The following PCDHA6 variants were observed in gnomAD, a reference collection of about 807,000 sequenced individuals.
The protein encoded by PCDHA6 is protocadherin alpha 6, also known as protocadherin alpha-6.
Under a neutral mutation model 60.3 loss-of-function variants are expected in PCDHA6, and 55 were observed. That is an observed-to-expected ratio of 0.91 (90% CI 0.73 to 1.14). The LOEUF is 1.14. PCDHA6 is among the 50% of genes most tolerant of loss of function. The pLI is 0.00. For missense variants in PCDHA6, 1,327 were observed against 1,256.5 expected (o/e 1.06, Z -0.85); for synonymous variants, 652 against 557.9 (o/e 1.17, Z -2.38).
intron 1 of PCDHA6, chr5:140,869,467 G>A: frequency 6.2e-7 from 1 of 1,614,204 alleles, no homozygotes; most frequent in South Asian, 1.1e-5. Context: ...TGTGAACGTG[G>A]AGGTGAAGGA....
intron 1 of PCDHA6, chr5:140,884,703 A>C: frequency 1.3e-6 from 2 of 1,495,534 alleles, no homozygotes; most frequent in Non-Finnish European, 1.8e-6. Flanking sequence ...TAAACACTTT[A>C]GCCTTCCTTG....
At chr5:140,984,433 T>C (rs2097103477) in intron 3 of PCDHA6, among the ~76,000 whole-genome samples, 1 of 152,182 alleles carries the variant, frequency 6.6e-6, no homozygotes, top group East Asian at 1.9e-4. Flanking sequence ...GAAGGGGATC[T>C]CCCTTGTTCC....
chr5:140,875,248 G>A, intron 1 of PCDHA6: 5 of 999,174 alleles, frequency 5.0e-6, no homozygotes, highest in Non-Finnish European at 6.9e-6. Flanking sequence ...TACATAATCA[G>A]TCACATGATG....
intron 1 of PCDHA6, among the ~76,000 whole-genome samples, chr5:140,945,892 G>T (rs1351699782): frequency 1.3e-5 from 2 of 152,018 alleles, no homozygotes; most frequent in African/African-American, 4.8e-5. Context: ...AGAAAACACA[G>T]TGGGAAAGAT....
chr5:140,848,874 A>G (rs2040648635), intron 1 of PCDHA6: 2 of 1,590,884 alleles, frequency 1.3e-6, no homozygotes, highest in East Asian at 2.2e-5. Flanking sequence ...GAAGGACATT[A>G]ACGACAACCC....
intron 1 of PCDHA6, among the ~76,000 whole-genome samples, chr5:140,847,077 G>T (rs2150397168): frequency 6.7e-6 from 1 of 149,668 alleles, no homozygotes; most frequent in East Asian, 1.9e-4. Flanking sequence ...ATGACAAGTA[G>T]AAAAGTCCAC....
chr5:140,967,017 C>T, intron 1 of PCDHA6: 1 of 1,606,892 alleles, frequency 6.2e-7, no homozygotes, highest in Non-Finnish European at 8.5e-7. Context: ...CATCTGGGTG[C>T]GCCCAGTCCG....
Position 140,829,251 on chromosome 5 carries a change from G to C in PCDHA6, c.1160G>C (p.Cys387Ser). 6.2e-7 allele frequency: 1 copy of C among 1,614,268 alleles called. No individual in the cohort carries two copies. The highest frequency in any genetic ancestry group is 8.5e-7 in the Non-Finnish European group (1 of 1,180,046). The change falls in exon 1 of 4, where the codon TGC (cysteine) becomes TCC (serine). Residue 387 changes from cysteine to serine, a missense_variant. Physicochemically the swap from Cys to Ser is moderately radical, Grantham distance 112. Transcript: ENST00000529310. ...LDSGANGQVN[C>S]SLTPHVPFKL... ...TCAGGTGCCAACGGGCAGGTGAACT[G>C]CTCGCTGACGCCTCACGTCCCTTTC...
In PCDHA6 at chr5:140,980,214, C is replaced by T. The variant is rs2096880494; in HGVS notation, c.2453+1207C>T. 2.0e-5 allele frequency among the ~76,000 whole-genome samples: 3 copies of T among 152,212 alleles called. No homozygotes were observed. The South Asian group carries it at 6.2e-4, about 31-fold the overall frequency. The stretch of plus-strand genomic sequence containing the variant: ...ATTAGAGACCAACTTGTGCTTTTGC[C>T]TGCATCTGAGCTGTTGGTGGAGACA... On this transcript the variant is annotated intron_variant, in intron 2 of 3. Transcript: ENST00000529310.
At chr5:140,876,820 G>A in intron 1 of PCDHA6, 2 of 1,614,214 alleles carry the variant, frequency 1.2e-6, no homozygotes, top group Non-Finnish European at 1.7e-6. Context: ...CGACGTGAAC[G>A]ACAATGCGCC....
intron 1 of PCDHA6, chr5:140,884,652 G>A (rs2060303446): frequency 6.2e-7 from 1 of 1,603,582 alleles, no homozygotes; most frequent in Non-Finnish European, 8.5e-7. Flanking sequence ...GACTCAGAAT[G>A]CTTGAAAGAG....
chr5:140,886,097 A>G (rs1341108712), intron 1 of PCDHA6, among the ~76,000 whole-genome samples: 1 of 152,214 alleles, frequency 6.6e-6, no homozygotes, highest in Non-Finnish European at 1.5e-5. Context: ...ATTGACATTG[A>G]TACAGTAAAG....
At chr5:140,927,868 C>T (rs782143210) in intron 1 of PCDHA6, 2 of 1,614,220 alleles carry the variant, frequency 1.2e-6, no homozygotes, top group Admixed American at 1.7e-5. Flanking sequence ...CACCGCTAAA[C>T]TGCTGGTGGA....
intron 1 of PCDHA6, among the ~76,000 whole-genome samples, chr5:140,919,139 C>T (rs1294020429): frequency 6.6e-6 from 1 of 152,120 alleles, no homozygotes; most frequent in Non-Finnish European, 1.5e-5. Context: ...TTTTGGGGCT[C>T]TATTATTAGA....
At chr5:140,832,439 G>A (rs1771989250) in intron 1 of PCDHA6, among the ~76,000 whole-genome samples, 1 of 152,132 alleles carries the variant, frequency 6.6e-6, no homozygotes, top group Admixed American at 6.6e-5. Context: ...TAATTTTTAA[G>A]CGTGTAATTA....
At chr5:140,944,226 C>T (rs988249626) in intron 1 of PCDHA6, among the ~76,000 whole-genome samples, 3 of 152,126 alleles carry the variant, frequency 2.0e-5, no homozygotes, top group Admixed American at 2.0e-4. Flanking sequence ...TTTACTCTGT[C>T]GCTCAGGCTG....
At chr5:140,967,422 A>C in intron 1 of PCDHA6, 6 of 1,613,338 alleles carry the variant, frequency 3.7e-6, no homozygotes, top group East Asian at 2.2e-5. Flanking sequence ...GACCGGGAGC[A>C]GGCAGCCTTG....
intron 1 of PCDHA6, among the ~76,000 whole-genome samples, chr5:140,947,571 GT>G (rs782708059): frequency 1.8e-4 from 28 of 151,588 alleles, no homozygotes; most frequent in Non-Finnish European, 3.1e-4. Context: ...TATTGGGAAT[GT>G]TTTTAACATT....
chr5:140,912,860 G>T (rs1554195574), intron 1 of PCDHA6, among the ~76,000 whole-genome samples: 1 of 152,182 alleles, frequency 6.6e-6, no homozygotes, highest in South Asian at 2.1e-4. Flanking sequence ...CAATTGAAAT[G>T]ATATATGGTT....
Sources: gnomAD v4.1 joint callset for allele counts (sites outside exome capture counted in the v4.1 genomes callset) on GRCh38, gnomAD v4.1.1 for gene constraint, MANE v1.5 for transcripts, NCBI Gene and HGNC (gene_info 2026-07-23, HGNC 2026-07-21) for gene names.